The following CTNND2 variants were observed in gnomAD, a reference collection of about 807,000 sequenced individuals.
CTNND2 encodes catenin delta-2.
CTNND2 carries 22 observed loss-of-function variants against 144.4 expected under a neutral mutation model. That is an observed-to-expected ratio of 0.15 (90% CI 0.11 to 0.22). The LOEUF (loss-of-function observed/expected upper bound fraction) is 0.22, where lower values mean the gene tolerates loss of function less well. Ranked by LOEUF, CTNND2 falls within the 10% of genes least tolerant of loss-of-function variation. The pLI, the probability that CTNND2 is intolerant of heterozygous loss-of-function variation, is 1.00. For synonymous variants in CTNND2, 751 were observed against 695.6 expected, an observed-to-expected ratio of 1.08 and a Z score of -1.25; for missense variants, 1,353 against 1,618.8, an observed-to-expected ratio of 0.84 and a Z score of 2.82.
chr5:11,696,248 C>T (rs73743026), intron 2 of CTNND2, among the ~76,000 whole-genome samples: 2,081 of 152,228 alleles, frequency 0.014, 39 homozygotes, highest in African/African-American at 0.048. Context: ...TATTAGTAGG[C>T]GCTGGTTGAA....
chr5:11,507,863 C>A (rs1467810842), intron 3 of CTNND2, among the ~76,000 whole-genome samples: 1 of 152,032 alleles, frequency 6.6e-6, no homozygotes, highest in Non-Finnish European at 1.5e-5. Context: ...ACCGTCCTGG[C>A]GAGGAGGTCC....
intron 2 of CTNND2, among the ~76,000 whole-genome samples, chr5:11,709,820 T>C (rs1785921078): frequency 6.6e-6 from 1 of 152,166 alleles, no homozygotes; most frequent in South Asian, 2.1e-4. Context: ...TTTTCTTAGC[T>C]AAATTATCGT....
chr5:11,313,869 C>T (rs981072784), intron 9 of CTNND2, among the ~76,000 whole-genome samples: 1 of 152,050 alleles, frequency 6.6e-6, no homozygotes, highest in African/African-American at 2.4e-5. Context: ...GAAGCAGGAA[C>T]GTCTTACATG....
chr5:11,390,317 T>G (rs2149807291), intron 6 of CTNND2, among the ~76,000 whole-genome samples: 1 of 152,322 alleles, frequency 6.6e-6, no homozygotes, highest in East Asian at 1.9e-4. Flanking sequence ...CCAAGCACAT[T>G]TGCTTCCAGA....
intron 1 of CTNND2, among the ~76,000 whole-genome samples, chr5:11,851,460 A>G (rs189902754): frequency 6.6e-6 from 1 of 152,300 alleles, no homozygotes. Context: ...GTTATTTCCT[A>G]GAGGAATTTG....
intron 1 of CTNND2, among the ~76,000 whole-genome samples, chr5:11,893,692 T>G (rs986600599): frequency 2.0e-5 from 3 of 152,182 alleles, no homozygotes; most frequent in Non-Finnish European, 4.4e-5. Context: ...AGCCATCATC[T>G]TGGCTCTATC....
chr5:11,236,499 T>TA (rs369595174), intron 10 of CTNND2, among the ~76,000 whole-genome samples, 192 bp downstream of exon 10: 252 of 152,320 alleles, frequency 1.7e-3, no homozygotes, highest in African/African-American at 5.4e-3. Flanking sequence ...ATTCAAATAC[T>TA]AAAAAACGAA....
chr5:11,230,929 C>T (rs1387801596), intron 10 of CTNND2, among the ~76,000 whole-genome samples: 1 of 142,832 alleles, frequency 7.0e-6, no homozygotes, highest in African/African-American at 2.5e-5. Flanking sequence ...CTCCTCAGTT[C>T]ACCTCACTGC....
In CTNND2 at chr5:11,249,026, C is replaced by G. The variant is rs545660251; in HGVS notation, c.1629-12203G>C. Among the ~76,000 whole-genome samples, 8 of 152,324 alleles carry G rather than the reference C, an allele frequency of 5.3e-5. No individual in the cohort carries two copies. The South Asian group carries it at 1.7e-3, about 32-fold the overall frequency. ...GGTCTAATTTGGCCTAACATTTGGT[C>G]GCTGTGCTCTCCAAAGCTGTCAGCC... On this transcript the variant is annotated intron_variant, in intron 9 of 21. Coordinates refer to ENST00000304623, the MANE Select transcript of CTNND2 (RefSeq NM_001332.4).
At position 10,973,369 on chromosome 5, in the gene CTNND2, G is replaced by A; in HGVS notation, c.*84C>T. The A allele has an allele frequency of 7.2e-7, 1 of 1,397,434 alleles. No homozygotes were observed. The highest frequency in any genetic ancestry group is 9.5e-7 in the Non-Finnish European group (1 of 1,053,358). 86.6% of individuals were successfully genotyped at this position (1,397,434 alleles called of 1,614,324 possible). ...GAACAGGCTTTAACAAACTAAATTT[G>A]CAGGAGAAAAAAACAAAACAGAAAG... On this transcript the variant is annotated 3_prime_UTR_variant, in exon 22 of 22. Coordinates refer to ENST00000304623, the MANE Select transcript of CTNND2 (RefSeq NM_001332.4). This position sits in a 1 kb window ranked among gnomAD's most constrained non-coding sequence, Gnocchi z 5.6.
intron 2 of CTNND2, among the ~76,000 whole-genome samples, chr5:11,724,866 A>G (rs1390344458): frequency 6.6e-6 from 1 of 152,104 alleles, no homozygotes; most frequent in East Asian, 1.9e-4. Context: ...GAATGAAGCT[A>G]TTTAGCAATG....
At chr5:11,674,102 T>G (rs1784045368) in intron 2 of CTNND2, among the ~76,000 whole-genome samples, 1 of 152,236 alleles carries the variant, frequency 6.6e-6, no homozygotes, top group Non-Finnish European at 1.5e-5. Flanking sequence ...CAAGCAAGTC[T>G]ACAGTGTGGT....
chr5:11,524,152 C>A (rs1773004442), intron 3 of CTNND2, among the ~76,000 whole-genome samples: 1 of 152,032 alleles, frequency 6.6e-6, no homozygotes, highest in Non-Finnish European at 1.5e-5. Flanking sequence ...AATCTGTGAT[C>A]CCCTCACTGC....
intron 3 of CTNND2, among the ~76,000 whole-genome samples, chr5:11,448,808 A>G (rs1445614410): frequency 1.3e-5 from 2 of 152,028 alleles, no homozygotes; most frequent in African/African-American, 2.4e-5. Flanking sequence ...AGCTGGAACT[A>G]TAGGCGTGCA....
intron 18 of CTNND2, among the ~76,000 whole-genome samples, chr5:10,999,527 A>G (rs1739702403): frequency 1.3e-5 from 2 of 152,330 alleles, no homozygotes; most frequent in Admixed American, 6.5e-5. Context: ...GGGAAGGGCC[A>G]TGAATCCTTC....
intron 1 of CTNND2, among the ~76,000 whole-genome samples, chr5:11,898,886 G>C (rs1737624213): frequency 6.6e-6 from 1 of 152,098 alleles, no homozygotes; most frequent in African/African-American, 2.4e-5. Flanking sequence ...CAAATTCCAA[G>C]ATACATCGAA....
intron 12 of CTNND2, among the ~76,000 whole-genome samples, chr5:11,137,688 C>G (rs1293927901): frequency 6.6e-6 from 1 of 152,172 alleles, no homozygotes; most frequent in African/African-American, 2.4e-5. Context: ...AAACACAGAC[C>G]TCCTAGCAAA....
At chr5:11,348,112 G>A (rs1418811077) in intron 8 of CTNND2, among the ~76,000 whole-genome samples, 8 of 152,102 alleles carry the variant, frequency 5.3e-5, no homozygotes, top group Non-Finnish European at 1.2e-4. Flanking sequence ...TTCCCAGAGG[G>A]ACAATATTTT....
intron 3 of CTNND2, among the ~76,000 whole-genome samples, chr5:11,485,811 A>G (rs1173605165): frequency 6.6e-6 from 1 of 152,216 alleles, no homozygotes; most frequent in Non-Finnish European, 1.5e-5. Context: ...GGCAAAACGT[A>G]TAAGGCCATT....
Sources: allele counts gnomAD v4.1 joint callset (sites outside exome capture counted in the v4.1 genomes callset), GRCh38; gene constraint gnomAD v4.1.1; non-coding constraint Gnocchi (gnomAD v3.1); transcripts MANE v1.5; gene names NCBI Gene and HGNC (gene_info 2026-07-23, HGNC 2026-07-21).